The following ARHGEF37 variants were observed in gnomAD, a reference collection of about 807,000 sequenced individuals.
ARHGEF37 encodes the protein Rho guanine nucleotide exchange factor 37.
Under a neutral mutation model 71.1 loss-of-function variants are expected in ARHGEF37, and 55 were observed. The observed-to-expected ratio is 0.77, with a 90% CI of 0.62 to 0.97. The LOEUF (loss-of-function observed/expected upper bound fraction) is 0.97. Among genes scored for constraint, ARHGEF37 ranks in the 50% least tolerant of loss-of-function variants. ARHGEF37 has a pLI of 0.00. For synonymous variants in ARHGEF37, 327 were observed against 350.6 expected, an observed-to-expected ratio of 0.93 and a Z score of 0.75; for missense variants, 765 against 836.8, an observed-to-expected ratio of 0.91 and a Z score of 1.06.
chr5:149,620,521 G>T (rs1561806751), intron 8 of ARHGEF37, 57 bp downstream of exon 8: 3 of 1,412,692 alleles, frequency 2.1e-6, no homozygotes, highest in Non-Finnish European at 2.9e-6. Context: ...GAGCTTACAA[G>T]AATAATATTT....
chr5:149,555,713 A>G (rs1348908847), intron 1 of ARHGEF37, among the ~76,000 whole-genome samples: 1 of 152,190 alleles, frequency 6.6e-6, no homozygotes, highest in African/African-American at 2.4e-5. Flanking sequence ...ACAGGACTAG[A>G]GCCACAACTA....
upstream of ARHGEF37, among the ~76,000 whole-genome samples, chr5:149,578,522 C>T (rs139218907): frequency 4.2e-3 from 637 of 152,314 alleles, 11 homozygotes; most frequent in African/African-American, 0.014. Context: ...ACCCATTCAA[C>T]AAACACTTAT....
chr5:149,589,618 G>GC (rs1353351629), intron 1 of ARHGEF37, among the ~76,000 whole-genome samples: 1 of 152,066 alleles, frequency 6.6e-6, no homozygotes, highest in Non-Finnish European at 1.5e-5. Flanking sequence ...TCCTGCTTCA[G>GC]CCCCCCGAGT....
intron 2 of ARHGEF37, among the ~76,000 whole-genome samples, chr5:149,598,263 CTCT>C (rs70973531): frequency 0.099 from 6,702 of 67,806 alleles, 534 homozygotes; most frequent in Middle Eastern, 0.16. Flanking sequence ...CTTAAACTGA[CTCT>C]TCTTCTTCTT....
intron 3 of ARHGEF37, 45 bp from the exon 4 acceptor site, chr5:149,609,503 C>A: frequency 6.2e-7 from 1 of 1,605,198 alleles, no homozygotes; most frequent in East Asian, 2.2e-5. Context: ...CTAGGGGACA[C>A]ACAGACATGC....
chr5:149,560,595 T>C (rs181158296), intron 1 of ARHGEF37, among the ~76,000 whole-genome samples: 19 of 152,318 alleles, frequency 1.2e-4, no homozygotes, highest in Non-Finnish European at 2.2e-4. Flanking sequence ...TGTAATCTTT[T>C]AAAAGATGTC....
chr5:149,559,047 G>A (rs1456137632), intron 1 of ARHGEF37, among the ~76,000 whole-genome samples: 2 of 152,134 alleles, frequency 1.3e-5, no homozygotes, highest in Non-Finnish European at 2.9e-5. Context: ...AACTGGCCAG[G>A]CACAGTGGCT....
At chr5:149,613,442 G>T (rs1047985254) in intron 4 of ARHGEF37, among the ~76,000 whole-genome samples, 5 of 151,912 alleles carry the variant, frequency 3.3e-5, no homozygotes, top group African/African-American at 1.2e-4. Flanking sequence ...TGCCTCCGGG[G>T]TTCAAGCGAT....
At chr5:149,589,873 C>T (rs1763353123) in intron 1 of ARHGEF37, among the ~76,000 whole-genome samples, 1 of 151,746 alleles carries the variant, frequency 6.6e-6, no homozygotes, top group Admixed American at 6.6e-5. Flanking sequence ...CACTGTGTTT[C>T]CCAGGCTGGT....
chr5:149,602,335 G>A (rs1475735512), intron 3 of ARHGEF37, among the ~76,000 whole-genome samples: 3 of 152,174 alleles, frequency 2.0e-5, no homozygotes, highest in African/African-American at 4.8e-5. Flanking sequence ...GATTACAGGC[G>A]TGAGCCACTG....
chr5:149,589,065 C>T (rs1763321447), intron 1 of ARHGEF37, among the ~76,000 whole-genome samples: 1 of 151,868 alleles, frequency 6.6e-6, no homozygotes, highest in Non-Finnish European at 1.5e-5. Context: ...CCTGTCTCTA[C>T]AAAAAGTTAG....
At chr5:149,611,618 T>C (rs373141518) in intron 4 of ARHGEF37, among the ~76,000 whole-genome samples, 3 of 152,272 alleles carry the variant, frequency 2.0e-5, no homozygotes, top group East Asian at 1.9e-4. Flanking sequence ...AGCCATCTTA[T>C]GTCTCAGGAT....
At position 149,601,372 on chromosome 5, in the gene ARHGEF37, C is replaced by T. The variant is rs1763750971; in HGVS notation, c.310+141C>T. ...TGTTTTGGGGATCTCCAAAACACAA[C>T]ATATCAGAGCCAGCAGGGCCCTCAA... is the stretch of plus-strand genomic sequence containing the variant. On this transcript the variant is annotated intron_variant, in intron 3 of 12. Coordinates refer to ENST00000333677, the MANE Select transcript of ARHGEF37 (RefSeq NM_001001669.3). 21 of 1,009,238 alleles carry T rather than the reference C, an allele frequency of 2.1e-5. No homozygotes were observed. In the South Asian group the frequency reaches 3.3e-4, roughly 16 times the overall value. 62.5% of individuals were successfully genotyped at this position (1,009,238 alleles called of 1,614,324 possible). A position where few individuals can be genotyped will look rare whatever the true frequency, so the allele number is the denominator to read the frequency against.
chr5:149,613,623 G>A (rs1752272462), intron 4 of ARHGEF37, among the ~76,000 whole-genome samples: 1 of 152,150 alleles, frequency 6.6e-6, no homozygotes, highest in Non-Finnish European at 1.5e-5. Flanking sequence ...GGGATTACAG[G>A]CGTGAGCCAC....
chr5:149,604,402 T>G (rs1309182242), intron 3 of ARHGEF37, among the ~76,000 whole-genome samples: 1 of 152,224 alleles, frequency 6.6e-6, no homozygotes, highest in African/African-American at 2.4e-5. Flanking sequence ...AAATTCAAAT[T>G]TAACAGAGCA....
At chr5:149,578,066 C>T (rs917825465), upstream of ARHGEF37, among the ~76,000 whole-genome samples, 1 of 152,244 alleles carries the variant, frequency 6.6e-6, no homozygotes, top group African/African-American at 2.4e-5. Context: ...GCAGAAACAT[C>T]TTTCCTCTGG....
chr5:149,628,999 C>T, intron 12 of ARHGEF37, 33 bp downstream of exon 12: 1 of 1,595,764 alleles, frequency 6.3e-7, no homozygotes. Context: ...GGCTTGCCTC[C>T]CATCGGCCAT....
rs1554119851 is a variant in ARHGEF37 at position 149,571,926 on chromosome 5, AG to A, written c.-12+19804del. Among the ~76,000 whole-genome samples, 1,016 of 109,202 alleles carry A rather than the reference AG, an allele frequency of 9.3e-3. 8 individuals are homozygous for A. Among genetic ancestry groups the A allele is most frequent in the Middle Eastern group, 0.018 (4 of 218 alleles). The allele number at this position is 109,202 out of a possible 152,430, so 71.6% of individuals were successfully genotyped here. A position where few individuals can be genotyped will look rare whatever the true frequency, so the allele number is the denominator to read the frequency against. On this transcript the variant is annotated intron_variant, in intron 1 of 2. Transcript: ENST00000505810. The stretch of plus-strand genomic sequence containing the variant: ...GTCTCAAAAAAAAAAAAAAAAAAAA[AG>A]AAGTTGACAAGCTGATTTTTAAAAT...
At chr5:149,563,003 G>A (rs1177748965) in intron 1 of ARHGEF37, among the ~76,000 whole-genome samples, 1 of 152,080 alleles carries the variant, frequency 6.6e-6, no homozygotes, top group Non-Finnish European at 1.5e-5. Flanking sequence ...TTCCATCAGG[G>A]TCTGACTTCC....
Sources: allele counts gnomAD v4.1 joint callset (sites outside exome capture counted in the v4.1 genomes callset), GRCh38; gene constraint gnomAD v4.1.1; transcripts MANE v1.5; gene names NCBI Gene and HGNC (gene_info 2026-07-23, HGNC 2026-07-21).